The following SECISBP2 variants were observed in gnomAD, a reference collection of about 807,000 sequenced individuals.
SECISBP2 encodes selenocysteine insertion sequence-binding protein 2.
A neutral mutation model predicts 98.2 loss-of-function variants in SECISBP2; 96 were observed. The ratio of observed to expected loss-of-function variants is 0.98; its 90% CI spans 0.83 to 1.16. The LOEUF (loss-of-function observed/expected upper bound fraction) is 1.16. SECISBP2 is among the 50% of genes most tolerant of loss of function. The pLI is 0.00. For missense variants in SECISBP2, 1,046 were observed against 1,022.9 expected (o/e 1.02, Z -0.31); for synonymous variants, 407 against 370.2 (o/e 1.10, Z -1.14).
At chr9:89,356,658 G>T (rs929688143) in intron 14 of SECISBP2, 1 of 151,180 alleles carries the variant, frequency 6.6e-6, no homozygotes, top group African/African-American at 2.4e-5. Flanking sequence ...TTGTAGAGAC[G>T]GGATCTTACT....
downstream of SECISBP2, chr9:89,364,143 G>C (rs569320537): frequency 5.1e-6 from 6 of 1,167,816 alleles, no homozygotes; most frequent in Non-Finnish European, 7.1e-6. Flanking sequence ...GCCTTGGCCC[G>C]TCCTGTGGAC....
Position 89,328,903 on chromosome 9 carries a change from T to C in SECISBP2, c.801+17T>C. 1 of 1,583,164 alleles carries C rather than the reference T, an allele frequency of 6.3e-7. No individual in the cohort carries two copies. Among genetic ancestry groups the C allele is most frequent in the Non-Finnish European group, 8.7e-7 (1 of 1,153,246 alleles). ...TTATCAAAGGTGAGGTGAGGGTTTCTCTCTTTTTCTTTTTCCTTTGTACAC... is the reference window on the plus strand; with the variant it reads ...TTATCAAAGGTGAGGTGAGGGTTTCCCTCTTTTTCTTTTTCCTTTGTACAC... On this transcript the variant is annotated intron_variant, in intron 5 of 16. Coordinates refer to ENST00000375807, the MANE Select transcript of SECISBP2 (RefSeq NM_024077.5).
In SECISBP2 at chr9:89,359,600, A is replaced by C. The variant is rs919678112; in HGVS notation, c.*776A>C. ...AGTTTGCTTTCATATTTTCCCTGTAAGTAAGAGGGCTTATTTATTTTAAAT... is the reference window on the plus strand; with the variant it reads ...AGTTTGCTTTCATATTTTCCCTGTACGTAAGAGGGCTTATTTATTTTAAAT... On this transcript the variant is annotated 3_prime_UTR_variant, in exon 17 of 17. Coordinates refer to ENST00000375807, the MANE Select transcript of SECISBP2 (RefSeq NM_024077.5). 6 of 152,030 alleles carry C rather than the reference A, an allele frequency of 3.9e-5. No individual in the cohort carries two copies. Among genetic ancestry groups the C allele is most frequent in the African/African-American group, 1.4e-4 (6 of 41,386 alleles). 9.4% of individuals were successfully genotyped at this position (152,030 alleles called of 1,614,324 possible).
At chr9:89,364,932 G>T in the SECISBP2 span, 1 of 102,582 alleles carries the variant, frequency 9.7e-6, no homozygotes, top group Non-Finnish European at 1.9e-5. Context: ...GTGAAAACCA[G>T]AATGTTGGGG....
rs935403091 is a variant in SECISBP2 at position 89,357,505 on chromosome 9, C to T, written c.2208C>T (p.Arg736=). The change falls in exon 15 of 17, where the codon CGC becomes CGT. Residue 736 remains arginine (R), a synonymous_variant. Coordinates refer to ENST00000375807, the MANE Select transcript of SECISBP2 (RefSeq NM_024077.5). The stretch of plus-strand genomic sequence containing the variant: ...CTCTCAACCGCAAAGCTCTGGGGCG[C>T]AGTTTGAATAAGGCAGTTCCTGTCA... ...VFALNRKALG[R]SLNKAVPVSV... is the part of the protein sequence containing the mutation. The T allele has an allele frequency of 1.2e-6, 2 of 1,614,198 alleles. No individual in the cohort carries two copies. Among genetic ancestry groups the T allele is most frequent in the Non-Finnish European group, 8.5e-7 (1 of 1,180,048 alleles).
rs987691158 is a variant in SECISBP2 at position 89,357,445 on chromosome 9, T to G, written c.2148T>G (p.Asp716Glu). The G allele has an allele frequency of 8.7e-6, 14 of 1,614,182 alleles. No homozygotes were observed. Among genetic ancestry groups the G allele is most frequent in the Non-Finnish European group, 1.2e-5 (14 of 1,180,042 alleles). ...ATGACACTTTGCACACAATTATTGA[T>G]TATGCCTGTGAGCAGAACATTCCCT... ...GLDDTLHTII[D>E]YACEQNIPFV... The change falls in exon 15 of 17, where the codon GAT becomes GAG. Residue 716 changes from aspartate to glutamate, a missense_variant. By Grantham distance (45) the Asp-to-Glu change is conservative (BLOSUM62 2). Transcript: ENST00000375807.
intron 7 of SECISBP2, 89 bp downstream of exon 7, chr9:89,334,819 G>T: frequency 1.0e-6 from 1 of 994,054 alleles, no homozygotes; most frequent in Non-Finnish European, 1.6e-6. Context: ...AATGGGTAGA[G>T]AGTTTCAGTT....
At chr9:89,335,627 G>C (rs1051947804) in intron 7 of SECISBP2, among the ~76,000 whole-genome samples, 16 of 152,114 alleles carry the variant, frequency 1.1e-4, no homozygotes, top group African/African-American at 1.7e-4. Context: ...CACCGTGCCT[G>C]GCCAGGATAG....
rs922040037 is a variant in SECISBP2, at chr9:89,322,012, G to A, written c.182+2215G>A. Among the ~76,000 whole-genome samples the A allele has an allele frequency of 7.2e-5, 11 of 152,200 alleles. No individual in the cohort carries two copies. The South Asian group carries it at 8.3e-4, about 11-fold the overall frequency. On this transcript the variant is annotated intron_variant, in intron 2 of 16. Transcript: ENST00000375807. ...CTACATAGCATCCTAAGTCAACTTT[G>A]TATGTCCCCTTCCCTCATCTTTCCT... is the stretch of plus-strand genomic sequence containing the variant.
chr9:89,339,886 T>C lies in SECISBP2; in HGVS notation c.1235T>C (p.Leu412Pro), dbSNP rs753945612. 1 of 1,613,582 alleles carries C rather than the reference T, an allele frequency of 6.2e-7. No individual in the cohort carries two copies. Among genetic ancestry groups the C allele is most frequent in the East Asian group, 2.2e-5 (1 of 44,878 alleles). ...RIEDAEEFPN[L>P]AVASERRDRI... ...TAGGATGCCGAGGAATTTCCCAACC[T>C]GGCAGTTGCATCTGAAAGAAGAGAC... is the stretch of plus-strand genomic sequence containing the variant. The change falls in exon 9 of 17, where the codon CTG becomes CCG. Residue 412 changes from leucine to proline, a missense_variant. Transcript: ENST00000375807.
chr9:89,329,278 A>T, intron 5 of SECISBP2: 3 of 203,068 alleles, frequency 1.5e-5, no homozygotes, highest in South Asian at 1.4e-4. Context: ...ACGCTGGCTA[A>T]TTTTTTTTTT....
At chr9:89,363,489 CAG>C, downstream of SECISBP2, 1 of 1,614,112 alleles carries the variant, frequency 6.2e-7, no homozygotes, top group Non-Finnish European at 8.5e-7. Flanking sequence ...GCCCTCCAGG[CAG>C]AGAGCTCTCT....
chr9:89,364,112 C>G, downstream of SECISBP2: 1 of 1,457,584 alleles, frequency 6.9e-7, no homozygotes, highest in Non-Finnish European at 9.2e-7. Context: ...GGTGGCTTCC[C>G]CATGGCCAGC....
rs1386827514 is a variant in SECISBP2, at chr9:89,334,595, T to C, written c.954T>C (p.Asn318=). 2 of 1,614,194 alleles carry C rather than the reference T, an allele frequency of 1.2e-6. No homozygotes were observed. The highest frequency in any genetic ancestry group is 2.2e-5 in the East Asian group (1 of 44,868). Residue 318 remains asparagine, a synonymous_variant, in exon 7 of 17, where the codon AAT becomes AAC. Coordinates refer to ENST00000375807, the MANE Select transcript of SECISBP2 (RefSeq NM_024077.5). The part of the protein sequence containing the change: ...LSTELSAAPK[N]VTSMINLKTI... Reference sequence around the variant, plus strand: ...CAGAACTGTCAGCAGCCCCTAAAAATGTTACTTCTATGATAAACTTAAAGA... The same window carrying C: ...CAGAACTGTCAGCAGCCCCTAAAAACGTTACTTCTATGATAAACTTAAAGA...
chr9:89,321,940 G>T (rs1301820846), intron 2 of SECISBP2, among the ~76,000 whole-genome samples: 1 of 152,184 alleles, frequency 6.6e-6, no homozygotes, highest in African/African-American at 2.4e-5. Flanking sequence ...GTGACAAAAG[G>T]AATAGAAGTT....
At chr9:89,348,760 C>G (rs535327257) in intron 12 of SECISBP2, among the ~76,000 whole-genome samples, 1 of 152,372 alleles carries the variant, frequency 6.6e-6, no homozygotes, top group Non-Finnish European at 1.5e-5. Context: ...CCATGGCAAC[C>G]CCACCAGGGG....
intron 7 of SECISBP2, among the ~76,000 whole-genome samples, 180 bp downstream of exon 7, chr9:89,334,910 T>C (rs1274354467): frequency 6.6e-6 from 1 of 152,178 alleles, no homozygotes; most frequent in Admixed American, 6.5e-5. Flanking sequence ...CACTGAAATA[T>C]TCATTTAAAA....
intron 14 of SECISBP2, among the ~76,000 whole-genome samples, chr9:89,351,528 A>C (rs1831281881): frequency 6.6e-6 from 1 of 152,048 alleles, no homozygotes; most frequent in South Asian, 2.1e-4. Context: ...ATCTCCATCT[A>C]GGCTAGGGAA....
intron 8 of SECISBP2, among the ~76,000 whole-genome samples, chr9:89,339,048 C>G (rs1829248296): frequency 6.6e-6 from 1 of 152,210 alleles, no homozygotes; most frequent in African/African-American, 2.4e-5. Flanking sequence ...CAAAAGCATG[C>G]TTTAATTGTT....
Sources: allele counts gnomAD v4.1 joint callset (sites outside exome capture counted in the v4.1 genomes callset), GRCh38; gene constraint gnomAD v4.1.1; transcripts MANE v1.5; gene names NCBI Gene and HGNC (gene_info 2026-07-23, HGNC 2026-07-21).